The following RALA variants were observed in gnomAD, a reference collection of about 807,000 sequenced individuals.
The protein encoded by RALA is RAS like proto-oncogene A.
Under a neutral mutation model 24.0 loss-of-function variants are expected in RALA, and 5 were observed. The observed-to-expected ratio is 0.21, with a 90% CI of 0.11 to 0.44. The LOEUF (loss-of-function observed/expected upper bound fraction) is 0.44, where lower values mean the gene tolerates loss of function less well. Among genes scored for constraint, RALA ranks in the 20% least tolerant of loss-of-function variants. The pLI is 0.99. For missense variants in RALA, 95 were observed against 241.2 expected, an observed-to-expected ratio of 0.39 and a Z score of 4.01; for synonymous variants, 77 against 83.8, an observed-to-expected ratio of 0.92 and a Z score of 0.44.
intron 1 of RALA, among the ~76,000 whole-genome samples, chr7:39,626,668 C>T (rs11982634): frequency 0.56 from 85,840 of 152,012 alleles, 24,639 homozygotes; most frequent in Non-Finnish European, 0.61. Flanking sequence ...GTGGGTGTCC[C>T]GGTAAAGTAT....
intron 1 of RALA, among the ~76,000 whole-genome samples, chr7:39,643,994 T>A (rs911577478): frequency 1.3e-5 from 2 of 152,236 alleles, no homozygotes; most frequent in African/African-American, 4.8e-5. Context: ...GAGAGCAGGT[T>A]AATACATATA....
In RALA at chr7:39,638,317, A is replaced by G. The variant is rs74840965; in HGVS notation, c.-38+14492A>G. Among the ~76,000 whole-genome samples the G allele has an allele frequency of 9.5e-3, 1,439 of 152,238 alleles. 10 individuals carry two copies. The highest frequency in any genetic ancestry group is 0.037 in the Middle Eastern group (11 of 294). The stretch of plus-strand genomic sequence containing the variant: ...TGATTTTTCTAAGGTTATAATAGGG[A>G]TCTTCATAAATTTGCCCTTTCCGGA... On this transcript the variant is annotated intron_variant, in intron 1 of 4. Transcript: ENST00000005257.
intron 1 of RALA, among the ~76,000 whole-genome samples, chr7:39,625,018 T>C (rs1270323506): frequency 6.6e-6 from 1 of 152,176 alleles, no homozygotes; most frequent in Non-Finnish European, 1.5e-5. Flanking sequence ...ACAACACCGT[T>C]TTTTGACCTT....
intron 1 of RALA, among the ~76,000 whole-genome samples, chr7:39,675,170 C>T (rs969973440): frequency 6.6e-6 from 1 of 152,118 alleles, no homozygotes; most frequent in African/African-American, 2.4e-5. Context: ...CATTTTGCTG[C>T]TCTGTGGGAA....
intron 1 of RALA, among the ~76,000 whole-genome samples, chr7:39,651,236 G>A (rs1377056493): frequency 1.3e-5 from 2 of 152,152 alleles, no homozygotes; most frequent in Non-Finnish European, 2.9e-5. Context: ...TTCAGGGTAG[G>A]CTAGGTGTAT....
At chr7:39,647,910 A>G (rs968778030) in intron 1 of RALA, among the ~76,000 whole-genome samples, 8 of 152,234 alleles carry the variant, frequency 5.3e-5, no homozygotes, top group African/African-American at 1.7e-4. Context: ...TTTCAGTGTT[A>G]TTATTGAAAA....
At chr7:39,642,062 A>G (rs555736166) in intron 1 of RALA, among the ~76,000 whole-genome samples, 1 of 152,270 alleles carries the variant, frequency 6.6e-6, no homozygotes, top group African/African-American at 2.4e-5. Context: ...TTTTCTACCC[A>G]AGAGAGAGAC....
intron 4 of RALA, among the ~76,000 whole-genome samples, chr7:39,699,386 C>T (rs1053061983): frequency 2.0e-5 from 3 of 151,710 alleles, no homozygotes; most frequent in South Asian, 2.1e-4. Context: ...ATGATCCACC[C>T]GCCTCGGCCT....
In RALA at chr7:39,706,991, T is replaced by C. The variant is rs1197308504; in HGVS notation, c.*746T>C. The C allele has an allele frequency of 6.6e-6, 1 of 152,666 alleles. No homozygotes were observed. The highest frequency in any genetic ancestry group is 1.5e-5 in the Non-Finnish European group (1 of 68,042). 9.5% of individuals were successfully genotyped at this position (152,666 alleles called of 1,614,324 possible). ...AAATTCTTGAGAAGTAACTGTCCGC[T>C]AGAAGTCTGTCCAAATTTAAAATGT... On this transcript the variant is annotated 3_prime_UTR_variant, in exon 5 of 5. Coordinates refer to ENST00000005257, the MANE Select transcript of RALA (RefSeq NM_005402.4).
At chr7:39,691,152 TTTA>T (rs1214957219) in intron 3 of RALA, among the ~76,000 whole-genome samples, 2 of 152,314 alleles carry the variant, frequency 1.3e-5, no homozygotes, top group East Asian at 1.9e-4. Context: ...TATAATATTT[TTTA>T]TTATTTATTG....
intron 1 of RALA, among the ~76,000 whole-genome samples, chr7:39,676,536 G>A (rs565875819): frequency 6.6e-6 from 1 of 152,278 alleles, no homozygotes; most frequent in East Asian, 1.9e-4. Context: ...GCTCCTATGA[G>A]CATTTCCTTA....
intron 1 of RALA, among the ~76,000 whole-genome samples, chr7:39,665,515 C>A (rs1792270017): frequency 1.3e-5 from 2 of 152,004 alleles, no homozygotes; most frequent in South Asian, 4.2e-4. Context: ...GTTCAGTACC[C>A]CAATCCCTGT....
At chr7:39,660,406 C>T (rs1268703602) in intron 1 of RALA, among the ~76,000 whole-genome samples, 1 of 151,906 alleles carries the variant, frequency 6.6e-6, no homozygotes, top group Non-Finnish European at 1.5e-5. Context: ...ATACATAACA[C>T]TTATAAGAGG....
At chr7:39,650,978 C>T (rs1792009142) in intron 1 of RALA, among the ~76,000 whole-genome samples, 1 of 152,154 alleles carries the variant, frequency 6.6e-6, no homozygotes, top group South Asian at 2.1e-4. Flanking sequence ...AGACAGAGTG[C>T]CCAGGACAGA....
In RALA at chr7:39,636,607, T is replaced by G. The variant is rs896406406; in HGVS notation, c.-38+12782T>G. 3.9e-5 allele frequency among the ~76,000 whole-genome samples: 6 copies of G among 152,234 alleles called. 1 individual carries two copies. Among genetic ancestry groups the G allele is most frequent in the Admixed American group, 3.3e-4 (5 of 15,284 alleles). On this transcript the variant is annotated intron_variant, in intron 1 of 4. Coordinates refer to ENST00000005257, the MANE Select transcript of RALA (RefSeq NM_005402.4). ...TGAACTTCCAGGTGGACTTTCTTTTTGATTCATCAACAAAATTTCTGTTTT... is the reference window on the plus strand; with the variant it reads ...TGAACTTCCAGGTGGACTTTCTTTTGGATTCATCAACAAAATTTCTGTTTT...
chr7:39,661,138 T>C (rs528591824), intron 1 of RALA, among the ~76,000 whole-genome samples: 1 of 152,120 alleles, frequency 6.6e-6, no homozygotes, highest in South Asian at 2.1e-4. Context: ...AAAAGAATAG[T>C]ATGGGGGAAA....
At chr7:39,705,083 C>G (rs1248221643) in intron 4 of RALA, among the ~76,000 whole-genome samples, 1 of 152,164 alleles carries the variant, frequency 6.6e-6, no homozygotes, top group East Asian at 1.9e-4. Context: ...CTCCCTTCTT[C>G]AAAATGAAAT....
At chr7:39,687,153 C>T (rs1406550696) in intron 2 of RALA, among the ~76,000 whole-genome samples, 4 of 152,034 alleles carry the variant, frequency 2.6e-5, no homozygotes, top group Admixed American at 6.6e-5. Context: ...AGGCTGGGCA[C>T]GCACGGTGGC....
intron 4 of RALA, chr7:39,702,886 T>C (rs1793053991): frequency 6.6e-6 from 1 of 152,212 alleles, no homozygotes; most frequent in African/African-American, 2.4e-5. Context: ...TTTGTTAAAT[T>C]ATACAGAATT....
Sources: allele counts gnomAD v4.1 joint callset (sites outside exome capture counted in the v4.1 genomes callset), GRCh38; gene constraint gnomAD v4.1.1; transcripts MANE v1.5; gene names NCBI Gene and HGNC (gene_info 2026-07-23, HGNC 2026-07-21).